Variants in INTS8 observed in about 807,000 individuals in gnomAD.
INTS8 encodes integrator complex subunit 8, also known as protein kaonashi-1.
In INTS8, 47 loss-of-function variants were observed where a neutral mutation model predicts 138.9. The ratio of observed to expected loss-of-function variants is 0.34; its 90% CI spans 0.27 to 0.43. The LOEUF is 0.43. Ranked by LOEUF, INTS8 falls within the 20% of genes least tolerant of loss-of-function variation. INTS8 has a pLI of 1.00. For missense variants in INTS8, 996 were observed against 1,173.0 expected, an observed-to-expected ratio of 0.85 and a Z score of 2.20; for synonymous variants, 392 against 400.9, an observed-to-expected ratio of 0.98 and a Z score of 0.27.
At chr8:94,826,712 C>T (rs1814518240) in intron 2 of INTS8, among the ~76,000 whole-genome samples, 1 of 152,122 alleles carries the variant, frequency 6.6e-6, no homozygotes, top group Non-Finnish European at 1.5e-5. Context: ...GTAAGATTGG[C>T]CATCAGGTGA....
intron 10 of INTS8, among the ~76,000 whole-genome samples, chr8:94,842,698 T>G (rs6981387): frequency 1.6e-3 from 239 of 152,330 alleles, no homozygotes; most frequent in African/African-American, 5.5e-3. Flanking sequence ...GCATCTTTAT[T>G]GGATTCTCCT....
Position 94,866,188 on chromosome 8 carries a change from A to G in INTS8, c.2292A>G (p.Leu764=). ...RSELLSFIKK[L]REPLVLTIIL... is the part of the protein sequence containing the mutation. ...AACTGCTTTCTTTTATCAAAAAATT[A>G]CGAGTAAGTTTTATTAAAAATTGCT... Residue 764 remains leucine (L), a synonymous_variant, in exon 18 of 27, where the codon TTA becomes TTG. Coordinates refer to ENST00000523731, the MANE Select transcript of INTS8 (RefSeq NM_017864.4). 7.5e-7 allele frequency: 1 copy of G among 1,335,092 alleles called. No individual in the cohort carries two copies. The highest frequency in any genetic ancestry group is 1.1e-6 in the Non-Finnish European group (1 of 945,112). The allele number at this position is 1,335,092 out of a possible 1,614,324, so 82.7% of individuals were successfully genotyped here.
intron 26 of INTS8, among the ~76,000 whole-genome samples, chr8:94,879,458 G>C (rs1483872861): frequency 6.6e-6 from 1 of 151,904 alleles, no homozygotes; most frequent in African/African-American, 2.4e-5. Flanking sequence ...AGACGGACGA[G>C]ATGGCGGGCG....
intron 16 of INTS8, among the ~76,000 whole-genome samples, chr8:94,861,660 C>A (rs1306117539): frequency 6.6e-6 from 1 of 151,734 alleles, no homozygotes; most frequent in East Asian, 1.9e-4. Context: ...TCAAGCAATT[C>A]TCCTGCCTCA....
At chr8:94,833,076 C>A (rs561612260) in intron 6 of INTS8, among the ~76,000 whole-genome samples, 1 of 151,872 alleles carries the variant, frequency 6.6e-6, no homozygotes. Context: ...CAGAGTAGGA[C>A]CTTGAGTAAA....
chr8:94,865,397 A>C (rs1479813860), intron 16 of INTS8, 109 bp from the exon 17 acceptor site: 1 of 812,180 alleles, frequency 1.2e-6, no homozygotes, highest in Non-Finnish European at 2.0e-6. Context: ...AACTGTGCTT[A>C]GTATGTTTGG....
At chr8:94,877,280 T>C (rs886902460) in intron 26 of INTS8, among the ~76,000 whole-genome samples, 2 of 152,218 alleles carry the variant, frequency 1.3e-5, no homozygotes, top group Non-Finnish European at 2.9e-5. Context: ...TTTTCTTTGC[T>C]CTTTCACTTA....
intron 10 of INTS8, among the ~76,000 whole-genome samples, chr8:94,849,102 A>G (rs1253441686): frequency 1.3e-5 from 2 of 151,976 alleles, no homozygotes; most frequent in African/African-American, 4.8e-5. Context: ...TTTGGTTTTA[A>G]AAATTTTTTA....
At chr8:94,857,431 G>C (rs145913501) in intron 15 of INTS8, among the ~76,000 whole-genome samples, 12 of 152,220 alleles carry the variant, frequency 7.9e-5, no homozygotes, top group South Asian at 2.1e-4. Context: ...TGGGTTTGGT[G>C]TTCACTGGAG....
At chr8:94,857,051 G>T in intron 15 of INTS8, 73 bp downstream of exon 15, 174 of 841,382 alleles carry the variant, frequency 2.1e-4, no homozygotes, top group Middle Eastern at 2.9e-4. Context: ...TTTAAAAGCA[G>T]ATTTATTTGA....
chr8:94,880,028 TG>T (rs1816741924), intron 26 of INTS8, 89 bp from the exon 27 acceptor site: 4 of 821,950 alleles, frequency 4.9e-6, no homozygotes, highest in African/African-American at 3.5e-5. Context: ...ACTGTATCGT[TG>T]TTAGCACGTA....
intron 16 of INTS8, among the ~76,000 whole-genome samples, chr8:94,861,217 G>GAGTATATTGATTTCTTC (rs1192901865): frequency 1.4e-5 from 2 of 141,798 alleles, no homozygotes; most frequent in Non-Finnish European, 3.1e-5. Flanking sequence ...AGGATTTATT[G>GAGTATATTGATTTCTTC]AGTTTATTGA....
In INTS8 at chr8:94,861,055, T is replaced by TC. The variant is rs536888955; in HGVS notation, c.2076+1424dup. ...CTGGGCGACAGAGTGAGACTCTGTC[T>TC]CAAAAAAAAAAAAAAAAAAATCCTT... On this transcript the variant is annotated intron_variant, in intron 16 of 26. Transcript: ENST00000523731. Among the ~76,000 whole-genome samples the TC allele has an allele frequency of 6.8e-3, 648 of 95,104 alleles. 11 individuals are homozygous for TC. Among genetic ancestry groups the TC allele is most frequent in the African/African-American group, 0.019 (454 of 23,834 alleles). 62.4% of individuals were successfully genotyped at this position (95,104 alleles called of 152,430 possible).
chr8:94,871,056 C>T (rs1017535829), intron 20 of INTS8, among the ~76,000 whole-genome samples: 7 of 152,070 alleles, frequency 4.6e-5, no homozygotes, highest in Admixed American at 2.6e-4. Context: ...TGAAGCATCT[C>T]GAGGGGAGTC....
chr8:94,878,729 A>G (rs755930688), intron 26 of INTS8, among the ~76,000 whole-genome samples: 12 of 152,188 alleles, frequency 7.9e-5, no homozygotes, highest in African/African-American at 1.7e-4. Flanking sequence ...CAAGCCAGCA[A>G]TTTGACTTCT....
At chr8:94,825,381 G>A (rs1814456041) in intron 2 of INTS8, among the ~76,000 whole-genome samples, 1 of 151,374 alleles carries the variant, frequency 6.6e-6, no homozygotes, top group South Asian at 2.1e-4. Flanking sequence ...GCAGTGAGCC[G>A]AGATGGCGCT....
At chr8:94,860,218 A>G (rs533017932) in intron 16 of INTS8, 1 of 152,238 alleles carries the variant, frequency 6.6e-6, no homozygotes, top group Non-Finnish European at 1.5e-5. Context: ...TATATCTTTC[A>G]TGTGTTAATA....
At chr8:94,854,148 G>T (rs1815657328) in intron 14 of INTS8, among the ~76,000 whole-genome samples, 1 of 143,290 alleles carries the variant, frequency 7.0e-6, no homozygotes, top group African/African-American at 2.6e-5. Context: ...CATGGGAGGT[G>T]GAGGTTGGAG....
Position 94,834,634 on chromosome 8 carries a change from A to G in INTS8, c.754-1890A>G, listed in dbSNP as rs551492305. 1.9e-4 allele frequency among the ~76,000 whole-genome samples: 28 copies of G among 151,142 alleles called. No homozygotes were observed. In the South Asian group the frequency reaches 5.2e-3, roughly 28 times the overall value. On this transcript the variant is annotated intron_variant, in intron 6 of 26. Transcript: ENST00000523731. ...CAGGAGAATCGCTTGAACCCGAAAG[A>G]GGAGATTGCAGTGAGCCGAGATCAC...
Sources: gnomAD v4.1 joint callset for allele counts (sites outside exome capture counted in the v4.1 genomes callset) on GRCh38, gnomAD v4.1.1 for gene constraint, MANE v1.5 for transcripts, NCBI Gene and HGNC (gene_info 2026-07-23, HGNC 2026-07-21) for gene names.